VTCN1: variants seen among roughly 807,000 people sequenced by gnomAD.
The protein encoded by VTCN1 is V-set domain containing T cell activation inhibitor 1, also known as V-set domain-containing T-cell activation inhibitor 1.
Under a neutral mutation model 26.5 loss-of-function variants are expected in VTCN1, and 26 were observed. The observed-to-expected ratio is 0.98, with a 90% CI of 0.72 to 1.36. The LOEUF is 1.36. Ranked by LOEUF, VTCN1 falls within the 40% of genes most tolerant of loss-of-function variation. The probability of loss-of-function intolerance (pLI) is 0.00; values close to 1 mark genes in which losing one functional copy is unlikely to be tolerated. For missense variants in VTCN1, 298 were observed against 337.7 expected (o/e 0.88, Z 0.92); for synonymous variants, 116 against 130.7 (o/e 0.89, Z 0.77).
intron 1 of VTCN1, among the ~76,000 whole-genome samples, chr1:117,173,872 C>T (rs1557868735): frequency 6.6e-6 from 1 of 152,180 alleles, no homozygotes; most frequent in African/African-American, 2.4e-5. Context: ...TCCTGAGCCC[C>T]TCCATCACAC....
Position 117,170,182 on chromosome 1 carries a change from A to G in VTCN1, c.33-11T>C, listed in dbSNP as rs1247864303. 4.3e-6 allele frequency: 7 copies of G among 1,613,048 alleles called. No individual in the cohort carries two copies. Among genetic ancestry groups the G allele is most frequent in the Non-Finnish European group, 5.9e-6 (7 of 1,179,534 alleles). On this transcript the variant is annotated splice_polypyrimidine_tract_variant and intron_variant, in intron 1 of 5. Transcript: ENST00000369458. ...ATGATGCTAATTATGCTACGGGAAGAGAGAGAGAAACAGAAAATTAGTTCT... is the reference window on the plus strand; with the variant it reads ...ATGATGCTAATTATGCTACGGGAAGGGAGAGAGAAACAGAAAATTAGTTCT...
Position 117,174,413 on chromosome 1 carries a change from C to T in VTCN1, c.33-4242G>A, listed in dbSNP as rs4659161. ...CTCAAGAAGCTTATAGTTAAACTGA[C>T]GTGACATACACACAAACCTTTGTAA... On this transcript the variant is annotated intron_variant, in intron 1 of 5. Coordinates refer to ENST00000369458, the MANE Select transcript of VTCN1 (RefSeq NM_024626.4). Among the ~76,000 whole-genome samples, 6,476 of 152,276 alleles carry T rather than the reference C, an allele frequency of 0.043. 646 individuals carry two copies. The East Asian group carries it at 0.45, about 10-fold the overall frequency.
intron 1 of VTCN1, among the ~76,000 whole-genome samples, chr1:117,191,924 C>T (rs1417334249): frequency 6.6e-6 from 1 of 151,972 alleles, no homozygotes; most frequent in Non-Finnish European, 1.5e-5. Flanking sequence ...CCACTGAACT[C>T]CTGTTCTCCA....
intron 1 of VTCN1, among the ~76,000 whole-genome samples, chr1:117,206,279 T>C: frequency 6.6e-6 from 1 of 152,066 alleles, no homozygotes; most frequent in East Asian, 1.9e-4. Flanking sequence ...GCAACATCTG[T>C]TTCAGGATCA....
At chr1:117,170,468 G>A (rs1258312581) in intron 1 of VTCN1, among the ~76,000 whole-genome samples, 1 of 152,176 alleles carries the variant, frequency 6.6e-6, no homozygotes, top group Non-Finnish European at 1.5e-5. Flanking sequence ...GTTGGGGCAA[G>A]AATGATGAAA....
intron 4 of VTCN1, among the ~76,000 whole-genome samples, chr1:117,149,735 A>G (rs1651696394): frequency 6.6e-6 from 1 of 152,236 alleles, no homozygotes; most frequent in Non-Finnish European, 1.5e-5. Context: ...TACTTGGCAC[A>G]CAATAGATAT....
chr1:117,180,075 A>C (rs1647595685), intron 1 of VTCN1, among the ~76,000 whole-genome samples: 3 of 152,172 alleles, frequency 2.0e-5, no homozygotes, highest in African/African-American at 4.8e-5. Flanking sequence ...AACTGATGGA[A>C]GGACAGCACA....
At position 117,146,319 on chromosome 1, in the gene VTCN1, C is replaced by T. The variant is rs183386115; in HGVS notation, c.*46-1094G>A. Among the ~76,000 whole-genome samples the T allele has an allele frequency of 7.9e-5, 12 of 152,220 alleles. No individual in the cohort carries two copies. Among genetic ancestry groups the T allele is most frequent in the East Asian group, 7.7e-4 (4 of 5,174 alleles). ...GAGGATTGGAAATGATGAAAACTGG[C>T]GGGTTTCCTTACAAAGAATCTCCTT... On this transcript the variant is annotated intron_variant, in intron 5 of 5. Coordinates refer to ENST00000369458, the MANE Select transcript of VTCN1 (RefSeq NM_024626.4). This position sits in a 1 kb window ranked among gnomAD's most constrained non-coding sequence, Gnocchi z 4.2.
Position 117,153,340 on chromosome 1 carries a change from A to G in VTCN1, c.475T>C (p.Tyr159His). The change falls in exon 4 of 6, where the codon TAT becomes CAT. Residue 159 changes from tyrosine to histidine, a missense_variant. Coordinates refer to ENST00000369458, the MANE Select transcript of VTCN1 (RefSeq NM_024626.4). Reference protein sequence around the residue: ...AFSMPEVNVDYNASSETLRCE... With the variant: ...AFSMPEVNVDHNASSETLRCE... ...CGCAAGGTCTCTGAGCTGGCATTATAGTCCACATTCACTTCCGGCATGCTG... is the reference window on the plus strand; with the variant it reads ...CGCAAGGTCTCTGAGCTGGCATTATGGTCCACATTCACTTCCGGCATGCTG... 1 of 1,612,132 alleles carries G rather than the reference A, an allele frequency of 6.2e-7. No individual in the cohort carries two copies. Among genetic ancestry groups the G allele is most frequent in the Non-Finnish European group, 8.5e-7 (1 of 1,178,344 alleles).
chr1:117,178,704 TC>T (rs1163199769), intron 1 of VTCN1, among the ~76,000 whole-genome samples: 1 of 143,490 alleles, frequency 7.0e-6, no homozygotes, highest in Non-Finnish European at 1.5e-5. Context: ...AGCAATCCTC[TC>T]GCTTTAGCCT....
At chr1:117,162,923 C>T (rs372338821) in intron 2 of VTCN1, among the ~76,000 whole-genome samples, 1 of 152,162 alleles carries the variant, frequency 6.6e-6, no homozygotes. Flanking sequence ...AATGAGCTGT[C>T]CTTTGAAATG....
rs922116961 is a variant in VTCN1 at position 117,147,636 on chromosome 1, G to A, written c.*22C>T. 82 of 1,609,744 alleles carry A rather than the reference G, an allele frequency of 5.1e-5. No homozygotes were observed. The highest frequency in any genetic ancestry group is 6.3e-5 in the Non-Finnish European group (74 of 1,178,832). On this transcript the variant is annotated 3_prime_UTR_variant, in exon 5 of 6. Transcript: ENST00000369458. The surrounding 1 kb of genome is among the most constrained non-coding windows in gnomAD (Gnocchi z 4.6). ...ACCTGTTGTAACAATGACTTTGCAT[G>A]CTTTTTTGTGGCCGAGGCACATTAT...
chr1:117,186,788 G>A (rs1366280587), intron 1 of VTCN1, among the ~76,000 whole-genome samples: 1 of 152,248 alleles, frequency 6.6e-6, no homozygotes, highest in Non-Finnish European at 1.5e-5. Flanking sequence ...AGCACCTTGA[G>A]AGGCTGGGGC....
At chr1:117,193,126 T>C (rs1367064829) in intron 1 of VTCN1, among the ~76,000 whole-genome samples, 2 of 152,162 alleles carry the variant, frequency 1.3e-5, no homozygotes, top group Non-Finnish European at 2.9e-5. Context: ...ATAAATTATA[T>C]GCAAATACTA....
At chr1:117,164,448 A>G (rs905209179) in intron 2 of VTCN1, among the ~76,000 whole-genome samples, 1 of 152,148 alleles carries the variant, frequency 6.6e-6, no homozygotes, top group Non-Finnish European at 1.5e-5. Context: ...TGTGGCTTCA[A>G]AGGAGGCCTT....
chr1:117,207,245 C>G (rs1207880029), intron 1 of VTCN1, among the ~76,000 whole-genome samples: 1 of 152,162 alleles, frequency 6.6e-6, no homozygotes, highest in Non-Finnish European at 1.5e-5. Context: ...ATCCCTGCTC[C>G]TTCTCTACTC....
Position 117,153,306 on chromosome 1 carries a change from G to A in VTCN1, c.509C>T (p.Ala170Val). The A allele has an allele frequency of 6.2e-6, 10 of 1,614,044 alleles. No individual in the cohort carries two copies. The highest frequency in any genetic ancestry group is 8.5e-6 in the Non-Finnish European group (10 of 1,179,988). ...TGTGGGCTGGGGGAACCATCGGGGAGCCTCACACCGCAAGGTCTCTGAGCT... is the reference window on the plus strand; with the variant it reads ...TGTGGGCTGGGGGAACCATCGGGGAACCTCACACCGCAAGGTCTCTGAGCT... ...NASSETLRCEAPRWFPQPTVV... is the reference protein window; with the variant it reads ...NASSETLRCEVPRWFPQPTVV... Residue 170 changes from alanine to valine, a missense_variant, in exon 4 of 6, where the codon GCT becomes GTT. Physicochemically the swap from Ala to Val is moderately conservative, Grantham distance 64 (BLOSUM62 0). Coordinates refer to ENST00000369458, the MANE Select transcript of VTCN1 (RefSeq NM_024626.4).
At position 117,155,956 on chromosome 1, in the gene VTCN1, C is replaced by T. The variant is rs1652047396; in HGVS notation, c.445+618G>A. On this transcript the variant is annotated intron_variant, in intron 3 of 5. Transcript: ENST00000369458. The surrounding 1 kb of genome is among the most constrained non-coding windows in gnomAD (Gnocchi z 4.8). ...ACTTTTATTATCTCTGTCCTGACCC[C>T]TAACTCTGTGAGATCTATATTATGA... Among the ~76,000 whole-genome samples, 2 of 152,178 alleles carry T rather than the reference C, an allele frequency of 1.3e-5. No individual in the cohort carries two copies. The highest frequency in any genetic ancestry group is 2.9e-5 in the Non-Finnish European group (2 of 68,028).
At chr1:117,153,631 T>G (rs1034930574) in intron 3 of VTCN1, among the ~76,000 whole-genome samples, 1 of 152,126 alleles carries the variant, frequency 6.6e-6, no homozygotes, top group Admixed American at 6.5e-5. Flanking sequence ...CTAGGTATAT[T>G]ATGGTTACAA....
Sources: gnomAD v4.1 joint callset for allele counts (sites outside exome capture counted in the v4.1 genomes callset) on GRCh38, gnomAD v4.1.1 for gene constraint, Gnocchi (gnomAD v3.1) non-coding constraint, MANE v1.5 for transcripts, NCBI Gene and HGNC (gene_info 2026-07-23, HGNC 2026-07-21) for gene names.